TG: variants seen among roughly 807,000 people sequenced by gnomAD.
The protein encoded by TG is thyroid hormones.
In TG, 270 loss-of-function variants were observed where a neutral mutation model predicts 324.7. The ratio of observed to expected loss-of-function variants is 0.83; its 90% confidence interval spans 0.75 to 0.92. The LOEUF (loss-of-function observed/expected upper bound fraction) is 0.92. TG is among the 40% of genes least tolerant of loss of function. The pLI is 0.00. For synonymous variants in TG, 1,401 were observed against 1,327.0 expected, an observed-to-expected ratio of 1.06 and a Z score of -1.21; for missense variants, 3,591 against 3,456.4, an observed-to-expected ratio of 1.04 and a Z score of -0.98.
chr8:132,875,098 C>T (rs180213), intron 5 of TG, among the ~76,000 whole-genome samples: 110,899 of 152,078 alleles, frequency 0.73, 41,718 homozygotes, highest in African/African-American at 0.93. Context: ...GCTCATTACA[C>T]CATAGTGAAG....
chr8:133,039,847 G>C lies in TG; in HGVS notation c.7239+9824G>C, dbSNP rs184101208. ...ATTCCCTTGGTCTACACTTGTGGGG[G>C]GTGCTCACCCCCCAGTTTCAGCAGG... On this transcript the variant is annotated intron_variant, in intron 41 of 47. Transcript: ENST00000220616. 2.2e-6 allele frequency: 3 copies of C among 1,361,110 alleles called. No individual in the cohort carries two copies. In the African/African-American group the frequency reaches 4.4e-5, roughly 20 times the overall value. The allele number at this position is 1,361,110 out of a possible 1,614,324, so 84.3% of individuals were successfully genotyped here.
rs1827970016 is a variant in TG, at chr8:132,962,924, C to G, written c.5468-70C>G. ...CCTGATTTTTCTCACATTGCTACTA[C>G]CATTTTGTTGACCAGTGGAGTACTA... On this transcript the variant is annotated intron_variant, in intron 28 of 47. Coordinates refer to ENST00000220616, the MANE Select transcript of TG (RefSeq NM_003235.5). 1.2e-5 allele frequency: 17 copies of G among 1,434,746 alleles called. No individual in the cohort carries two copies. In the East Asian group the frequency reaches 3.9e-4, roughly 33 times the overall value. The allele number at this position is 1,434,746 out of a possible 1,614,324, so 88.9% of individuals were successfully genotyped here. A position where few individuals can be genotyped will look rare whatever the true frequency, so the allele number is the denominator to read the frequency against.
intron 35 of TG, among the ~76,000 whole-genome samples, chr8:133,009,120 T>C (rs1834273177): frequency 6.6e-6 from 1 of 152,212 alleles, no homozygotes; most frequent in African/African-American, 2.4e-5. Context: ...TCTTTAATTA[T>C]AGTGCTTTCT....
intron 41 of TG, among the ~76,000 whole-genome samples, chr8:133,044,023 G>A (rs1438010317): frequency 1.3e-5 from 2 of 152,164 alleles, no homozygotes; most frequent in Admixed American, 6.5e-5. Flanking sequence ...CTAACTCTGT[G>A]GATCCTCACG....
intron 5 of TG, among the ~76,000 whole-genome samples, chr8:132,879,904 G>A (rs1452158697): frequency 3.3e-5 from 5 of 152,228 alleles, no homozygotes; most frequent in Non-Finnish European, 5.9e-5. Flanking sequence ...CCATGAGCCA[G>A]GATGTTGAGG....
chr8:132,988,988 C>G (rs1831966753), intron 35 of TG: 1 of 776,196 alleles, frequency 1.3e-6, no homozygotes, highest in Non-Finnish European at 1.6e-6. Flanking sequence ...ACTCACAGCT[C>G]CATGTGGCTG....
chr8:133,001,790 T>C (rs1833532375), intron 35 of TG: 1 of 985,454 alleles, frequency 1.0e-6, no homozygotes, highest in Non-Finnish European at 1.2e-6. Context: ...GAAGGTTTGC[T>C]GGGGGCCTGA....
At chr8:133,092,163 C>T (rs1847655914) in intron 41 of TG, among the ~76,000 whole-genome samples, 1 of 151,948 alleles carries the variant, frequency 6.6e-6, no homozygotes, top group Non-Finnish European at 1.5e-5. Context: ...GAAGTGGTAC[C>T]AATAAACTCC....
At position 132,899,259 on chromosome 8, in the gene TG, G is replaced by A. The variant is rs904701150; in HGVS notation, c.3330+349G>A. Among the ~76,000 whole-genome samples, 6 of 152,336 alleles carry A rather than the reference G, an allele frequency of 3.9e-5. No individual in the cohort carries two copies. The East Asian group carries it at 7.7e-4, about 20-fold the overall frequency. ...AAAGGCATCTTGGCCAAGGCCCTAT[G>A]CTTACAGTGTCCCAGGTTCTCAACA... On this transcript the variant is annotated intron_variant, in intron 14 of 47. Coordinates refer to ENST00000220616, the MANE Select transcript of TG (RefSeq NM_003235.5).
chr8:132,906,901 G>T lies in TG; in HGVS notation c.3847+1G>T. ...CTGCCTCAGCCCCGGGCCTGCCAAC[G>T]TGAGTGGCATCAGAGCATCTATCCT... On this transcript the variant is annotated splice_donor_variant, in intron 17 of 47. Coordinates refer to ENST00000220616, the MANE Select transcript of TG (RefSeq NM_003235.5). LOFTEE classifies it high-confidence loss of function. 1 of 1,609,632 alleles carries T rather than the reference G, an allele frequency of 6.2e-7. No homozygotes were observed.
intron 2 of TG, among the ~76,000 whole-genome samples, chr8:132,868,921 A>T (rs372505442): frequency 3.3e-5 from 5 of 152,194 alleles, no homozygotes; most frequent in African/African-American, 1.2e-4. Flanking sequence ...CTCCATTTAT[A>T]TAACTGCGTT....
At chr8:132,949,196 C>T (rs1433672071) in intron 27 of TG, among the ~76,000 whole-genome samples, 1 of 152,204 alleles carries the variant, frequency 6.6e-6, no homozygotes. Context: ...AAGTCTGCTG[C>T]TCTCAAGAAT....
intron 46 of TG, among the ~76,000 whole-genome samples, chr8:133,132,250 G>A (rs1852000305): frequency 6.6e-6 from 1 of 152,194 alleles, no homozygotes; most frequent in South Asian, 2.1e-4. Context: ...TGTGTCCTGT[G>A]CATTGTAGGA....
intron 21 of TG, among the ~76,000 whole-genome samples, chr8:132,922,446 G>A (rs1587417531): frequency 6.6e-6 from 1 of 152,206 alleles, no homozygotes; most frequent in Non-Finnish European, 1.5e-5. Context: ...TATCGAGTGG[G>A]AGGCAGGCAG....
chr8:133,118,150 G>A (rs1384476386), intron 45 of TG, among the ~76,000 whole-genome samples: 1 of 151,910 alleles, frequency 6.6e-6, no homozygotes, highest in Non-Finnish European at 1.5e-5. Context: ...TTTCACCAGG[G>A]ACTACTTTAT....
At chr8:132,934,068 C>G (rs1019817295) in intron 24 of TG, among the ~76,000 whole-genome samples, 2 of 152,036 alleles carry the variant, frequency 1.3e-5, no homozygotes, top group African/African-American at 2.4e-5. Context: ...CACGGTGGCT[C>G]GCATCTGTAA....
At chr8:133,099,005 T>A (rs983173265) in intron 43 of TG, among the ~76,000 whole-genome samples, 1 of 152,178 alleles carries the variant, frequency 6.6e-6, no homozygotes, top group Non-Finnish European at 1.5e-5. Flanking sequence ...AAGGATGCAT[T>A]TGCATTCTTC....
chr8:132,975,807 T>A (rs914944511), intron 34 of TG, among the ~76,000 whole-genome samples: 2 of 152,224 alleles, frequency 1.3e-5, no homozygotes, highest in Non-Finnish European at 2.9e-5. Context: ...CAAGTCTTTC[T>A]GACCCTAAAT....
Position 132,891,120 on chromosome 8 carries a change from TTGAAGA to T in TG, c.2761+2554_2761+2559del, listed in dbSNP as rs367859658. Among the ~76,000 whole-genome samples the T allele has an allele frequency of 4.1e-3, 624 of 152,236 alleles. 3 individuals are homozygous for T. The highest frequency in any genetic ancestry group is 0.014 in the African/African-American group (591 of 41,522). On this transcript the variant is annotated intron_variant, in intron 10 of 47. Transcript: ENST00000220616. The stretch of plus-strand genomic sequence containing the variant: ...CTCAGAGAAAGGGGCTACTAACTCA[TTGAAGA>T]TTGGGGTAAAGATTAGCTTGACCCC...
Sources: gnomAD v4.1 joint callset for allele counts (sites outside exome capture counted in the v4.1 genomes callset) on GRCh38, gnomAD v4.1.1 for gene constraint, MANE v1.5 for transcripts, NCBI Gene and HGNC (gene_info 2026-07-23, HGNC 2026-07-21) for gene names.